PICALM: variants seen among roughly 807,000 people sequenced by gnomAD.
PICALM encodes phosphatidylinositol binding clathrin assembly protein.
PICALM carries 40 observed loss-of-function variants against 80.5 expected under a neutral mutation model. The ratio of observed to expected loss-of-function variants is 0.50; its 90% CI spans 0.39 to 0.65. PICALM has a LOEUF of 0.65. Among genes scored for constraint, PICALM ranks in the 30% least tolerant of loss-of-function variants. The pLI is 0.00. For missense variants in PICALM, 676 were observed against 778.9 expected (o/e 0.87, Z 1.57); for synonymous variants, 288 against 260.3 (o/e 1.11, Z -1.02).
intron 11 of PICALM, among the ~76,000 whole-genome samples, chr11:85,998,709 T>C (rs963649990): frequency 2.0e-5 from 3 of 151,998 alleles, no homozygotes; most frequent in Non-Finnish European, 4.4e-5. Flanking sequence ...GCCCAGGAGG[T>C]TGAGGCTGCA....
rs746967111 is a variant in PICALM at position 85,981,711 on chromosome 11, C to T, written c.1679+34G>A. 1.9e-4 allele frequency: 294 copies of T among 1,535,172 alleles called. 3 individuals are homozygous for T. Among genetic ancestry groups the T allele is most frequent in the Non-Finnish European group, 3.3e-5 (37 of 1,109,872 alleles). On this transcript the variant is annotated intron_variant, in intron 16 of 19. Transcript: ENST00000393346. ...CACATGGAGAAAACACTAAATAACA[C>T]ACGGAGAAAACAATGTGTATATTAA...
At chr11:86,043,219 T>C (rs1371259988) in intron 1 of PICALM, among the ~76,000 whole-genome samples, 1 of 152,226 alleles carries the variant, frequency 6.6e-6, no homozygotes, top group Non-Finnish European at 1.5e-5. Context: ...ATTTTCCTTT[T>C]ATGAGTGCTA....
At chr11:86,047,418 C>A (rs1349358099) in intron 1 of PICALM, among the ~76,000 whole-genome samples, 2 of 152,360 alleles carry the variant, frequency 1.3e-5, no homozygotes, top group East Asian at 1.9e-4. Context: ...TCACAAGTTG[C>A]GAAAGTTCTG....
Position 86,000,628 on chromosome 11 carries a change from A to G in PICALM, c.1154+15T>C. The G allele has an allele frequency of 6.2e-7, 1 of 1,602,480 alleles. No individual in the cohort carries two copies. Among genetic ancestry groups the G allele is most frequent in the Non-Finnish European group, 8.5e-7 (1 of 1,175,896 alleles). ...AACCTACATATTCAAAGGTAACCTT[A>G]ACTTCTACTCCTACCTGTTAGAAGA... On this transcript the variant is annotated intron_variant, in intron 11 of 19. Transcript: ENST00000393346.
At chr11:86,046,415 T>A (rs1441606307) in intron 1 of PICALM, among the ~76,000 whole-genome samples, 1 of 152,238 alleles carries the variant, frequency 6.6e-6, no homozygotes, top group African/African-American at 2.4e-5. Context: ...TTTCACAACA[T>A]CTTGGCTTAG....
At chr11:85,974,614 G>C in intron 19 of PICALM, 94 bp downstream of exon 19, 1 of 820,868 alleles carries the variant, frequency 1.2e-6, no homozygotes, top group Non-Finnish European at 2.2e-6. Flanking sequence ...GAAAGTGCTA[G>C]TAACTTGTTT....
At chr11:85,982,423 C>CCTTTTTTTTTTTTT (rs748828136) in intron 14 of PICALM, among the ~76,000 whole-genome samples, 12 of 70,164 alleles carry the variant, frequency 1.7e-4, no homozygotes, top group South Asian at 4.9e-4. Context: ...ATTTTATAGA[C>CCTTTTTTTTTTTTT]TTTTTTTTTT....
At chr11:85,973,586 A>G (rs2094177769) in intron 19 of PICALM, among the ~76,000 whole-genome samples, 1 of 152,190 alleles carries the variant, frequency 6.6e-6, no homozygotes, top group Non-Finnish European at 1.5e-5. Context: ...TAGCATATAT[A>G]TGGTTCAGTA....
intron 1 of PICALM, among the ~76,000 whole-genome samples, chr11:86,032,923 T>C (rs2095783536): frequency 6.6e-6 from 1 of 152,202 alleles, no homozygotes; most frequent in Admixed American, 6.5e-5. Context: ...ATTATATAAG[T>C]TAATATCTGA....
At chr11:86,061,245 C>T (rs2096357821) in intron 1 of PICALM, among the ~76,000 whole-genome samples, 1 of 145,294 alleles carries the variant, frequency 6.9e-6, no homozygotes, top group African/African-American at 2.5e-5. Context: ...AGAAGAATCA[C>T]TTGAACCCCT....
intron 1 of PICALM, among the ~76,000 whole-genome samples, chr11:86,039,762 G>T (rs1425094498): frequency 6.6e-6 from 1 of 152,072 alleles, no homozygotes; most frequent in Non-Finnish European, 1.5e-5. Context: ...AAATCATTTT[G>T]GGAGGCCGAG....
chr11:85,998,068 C>A (rs1489992148), intron 11 of PICALM, among the ~76,000 whole-genome samples: 2 of 151,962 alleles, frequency 1.3e-5, no homozygotes, highest in Non-Finnish European at 2.9e-5. Context: ...AGGCGGGAGG[C>A]ACCATGCCTG....
At chr11:85,964,037 T>G (rs1485215941) in intron 19 of PICALM, among the ~76,000 whole-genome samples, 1 of 147,316 alleles carries the variant, frequency 6.8e-6, no homozygotes, top group East Asian at 2.0e-4. Flanking sequence ...TTAAAAAAAG[T>G]CTATTGATAG....
intron 19 of PICALM, among the ~76,000 whole-genome samples, chr11:85,974,011 T>C (rs1351151783): frequency 6.6e-6 from 1 of 151,958 alleles, no homozygotes; most frequent in African/African-American, 2.4e-5. Context: ...AACAAAGGAA[T>C]TTCCTATATC....
intron 1 of PICALM, among the ~76,000 whole-genome samples, chr11:86,064,189 C>T (rs1041123989): frequency 1.3e-5 from 2 of 152,164 alleles, no homozygotes; most frequent in African/African-American, 2.4e-5. Flanking sequence ...TTTTTAAAAA[C>T]TTATTTCCAA....
chr11:85,998,568 G>C (rs1469919652), intron 11 of PICALM, among the ~76,000 whole-genome samples: 1 of 151,896 alleles, frequency 6.6e-6, no homozygotes, highest in African/African-American at 2.4e-5. Context: ...TGAGGCGTGC[G>C]GACTGCTTGA....
intron 5 of PICALM, 68 bp from the exon 6 acceptor site, chr11:86,012,460 C>T: frequency 4.6e-6 from 4 of 876,362 alleles, no homozygotes; most frequent in Middle Eastern, 2.6e-4. Flanking sequence ...AAAAGATTTC[C>T]TTCAAATTAA....
intron 8 of PICALM, chr11:86,007,307 T>C (rs958976751): frequency 2.2e-5 from 6 of 266,670 alleles, no homozygotes; most frequent in Non-Finnish European, 3.6e-5. Flanking sequence ...GAAAGAGTGA[T>C]TGAAGAGATT....
intron 1 of PICALM, among the ~76,000 whole-genome samples, chr11:86,068,068 G>C (rs917455787): frequency 6.6e-6 from 1 of 152,204 alleles, no homozygotes; most frequent in East Asian, 1.9e-4. Context: ...GCGATGAAAA[G>C]GTAACCCAAA....
Sources: allele counts gnomAD v4.1 joint callset (sites outside exome capture counted in the v4.1 genomes callset), GRCh38; gene constraint gnomAD v4.1.1; transcripts MANE v1.5; gene names NCBI Gene and HGNC (gene_info 2026-07-23, HGNC 2026-07-21).